The following NUP214 variants were observed in gnomAD, a reference collection of about 807,000 sequenced individuals.
The protein encoded by NUP214 is nuclear pore complex protein Nup214.
In NUP214, 79 loss-of-function variants were observed where a neutral mutation model predicts 196.2. That is an observed-to-expected ratio of 0.40 (90% CI 0.34 to 0.49). NUP214 has a LOEUF of 0.49. NUP214 is among the 20% of genes least tolerant of loss of function. The pLI, the probability that NUP214 is intolerant of heterozygous loss-of-function variation, is 0.58. For synonymous variants in NUP214, 1,020 were observed against 990.5 expected, an observed-to-expected ratio of 1.03 and a Z score of -0.56; for missense variants, 2,468 against 2,539.0, an observed-to-expected ratio of 0.97 and a Z score of 0.60.
chr9:131,226,225 TA>T (rs1169932110), intron 32 of NUP214, among the ~76,000 whole-genome samples: 1 of 152,216 alleles, frequency 6.6e-6, no homozygotes, highest in African/African-American at 2.4e-5. Flanking sequence ...GGGCCCTCAA[TA>T]AATCAGAAAG....
chr9:131,135,167 G>GC, intron 8 of NUP214, 163 bp downstream of exon 8: 1 of 549,900 alleles, frequency 1.8e-6, no homozygotes, highest in Non-Finnish European at 3.2e-6. Context: ...GTAGCTCACA[G>GC]AAGCCTGGAA....
chr9:131,198,953 G>T lies in NUP214; in HGVS notation c.5459G>T (p.Gly1820Val), dbSNP rs760879756. Residue 1820 changes from glycine (G) to valine (V), a missense_variant, in exon 29 of 36, where the codon GGT (glycine) becomes GTT (valine). Gly to Val is a moderately radical substitution (Grantham distance 109, BLOSUM62 -3). Transcript: ENST00000359428. ...TTTGGACAGGGAGGCTCTGTCTTTGGTGGTACCTCAGCTGCCACCACAACA... is the reference window on the plus strand; with the variant it reads ...TTTGGACAGGGAGGCTCTGTCTTTGTTGGTACCTCAGCTGCCACCACAACA... ...PGFGQGGSVF[G>V]GTSAATTTAA... 3 of 1,613,880 alleles carry T rather than the reference G, an allele frequency of 1.9e-6. No homozygotes were observed. The highest frequency in any genetic ancestry group is 1.7e-6 in the Non-Finnish European group (2 of 1,179,784).
Position 131,127,723 on chromosome 9 carries a change from A to G in NUP214, c.241+4A>G. On this transcript the variant is annotated splice_donor_region_variant and intron_variant, in intron 2 of 35. Coordinates refer to ENST00000359428, the MANE Select transcript of NUP214 (RefSeq NM_005085.4). ...GGAGATGATCCCAACAAAATAGGTA[A>G]GTTCCCTGGTTTATGTTGCAAAGTA... The G allele has an allele frequency of 6.2e-7, 1 of 1,609,360 alleles. No individual in the cohort carries two copies. Among genetic ancestry groups the G allele is most frequent in the South Asian group, 1.1e-5 (1 of 90,846 alleles).
At chr9:131,185,095 A>G (rs748965759) in intron 24 of NUP214, among the ~76,000 whole-genome samples, 2 of 152,278 alleles carry the variant, frequency 1.3e-5, no homozygotes, top group Non-Finnish European at 2.9e-5. Context: ...GCTTTTTACA[A>G]CAATGGGATG....
chr9:131,156,476 G>A (rs906435108), intron 17 of NUP214, among the ~76,000 whole-genome samples: 4 of 151,386 alleles, frequency 2.6e-5, no homozygotes, highest in Admixed American at 2.0e-4. Context: ...TTCCATTTGT[G>A]TCGTCTATGA....
chr9:131,222,510 A>T, intron 31 of NUP214: 1 of 308,542 alleles, frequency 3.2e-6, no homozygotes, highest in South Asian at 7.9e-5. Context: ...TTTCAGTGGG[A>T]CCTCTCACTG....
At position 131,192,237 on chromosome 9, in the gene NUP214, T is replaced by G; in HGVS notation, c.3604T>G (p.Ser1202Ala). The change falls in exon 27 of 36, where the codon TCA becomes GCA. Residue 1202 changes from serine (S) to alanine (A), a missense_variant. Ser to Ala is a moderately conservative substitution (Grantham distance 99). Coordinates refer to ENST00000359428, the MANE Select transcript of NUP214 (RefSeq NM_005085.4). ...AGCCAAGATAGAAACAGCTGTGACT[T>G]CAACCCCATCTGCTTCTGGGCAGTT... ...GTAKIETAVT[S>A]TPSASGQFSK... 6.6e-7 allele frequency: 1 copy of G among 1,513,966 alleles called. No homozygotes were observed. Among genetic ancestry groups the G allele is most frequent in the East Asian group, 2.6e-5 (1 of 39,046 alleles). 93.8% of individuals were successfully genotyped at this position (1,513,966 alleles called of 1,614,324 possible). A position where few individuals can be genotyped will look rare whatever the true frequency, so the allele number is the denominator to read the frequency against.
intron 35 of NUP214, chr9:131,233,154 T>A (rs917869143): frequency 3.8e-5 from 6 of 159,784 alleles, no homozygotes; most frequent in African/African-American, 7.2e-5. Context: ...CTACTAAAAA[T>A]ATATATATAT....
intron 31 of NUP214, 68 bp from the exon 32 acceptor site, chr9:131,222,710 C>G: frequency 6.6e-7 from 1 of 1,526,064 alleles, no homozygotes; most frequent in Non-Finnish European, 8.8e-7. Flanking sequence ...GAGACTTTTT[C>G]TGTGTTCTGA....
At chr9:131,179,372 C>A (rs1833203198) in intron 24 of NUP214, among the ~76,000 whole-genome samples, 1 of 152,182 alleles carries the variant, frequency 6.6e-6, no homozygotes, top group Non-Finnish European at 1.5e-5. Context: ...CTGCCCTGGG[C>A]AGGTTCGCAG....
chr9:131,175,381 A>G (rs532743895), intron 22 of NUP214, 79 bp from the exon 23 acceptor site: 3 of 1,518,630 alleles, frequency 2.0e-6, no homozygotes, highest in Non-Finnish European at 1.8e-6. Flanking sequence ...GCAGTCGAAC[A>G]TAAAGAATTT....
At position 131,160,119 on chromosome 9, in the gene NUP214, C is replaced by G. The variant is rs137875645; in HGVS notation, c.2540+633C>G. ...CTGTAACCATTGACTAGCATGTTCTCCAATAAATTATTTAATATATTGAAT... is the reference window on the plus strand; with the variant it reads ...CTGTAACCATTGACTAGCATGTTCTGCAATAAATTATTTAATATATTGAAT... On this transcript the variant is annotated intron_variant, in intron 18 of 35. Transcript: ENST00000359428. Among the ~76,000 whole-genome samples, 687 of 151,610 alleles carry G rather than the reference C, an allele frequency of 4.5e-3. 6 individuals carry two copies. Among genetic ancestry groups the G allele is most frequent in the African/African-American group, 0.016 (659 of 41,362 alleles).
chr9:131,197,753 G>C lies in NUP214; in HGVS notation c.4259G>C (p.Gly1420Ala). The C allele has an allele frequency of 6.2e-7, 1 of 1,614,200 alleles. No individual in the cohort carries two copies. The highest frequency in any genetic ancestry group is 1.6e-4 in the Middle Eastern group (1 of 6,062). ...GGCAGTCTGCCAGTCACCAGTGCAG[G>C]ATCCTCTGGGGTCATCAGTTTTGGT... ...VFGSLPVTSA[G>A]SSGVISFGGT... The change falls in exon 29 of 36, where the codon GGA becomes GCA. Residue 1420 changes from glycine (G) to alanine (A), a missense_variant. Physicochemically the swap from Gly to Ala is moderately conservative, Grantham distance 60 (BLOSUM62 0). This residue lies in a region of NUP214 where 1,801 missense variants were observed against 1,779.4 expected (regional missense o/e 1.01). Coordinates refer to ENST00000359428, the MANE Select transcript of NUP214 (RefSeq NM_005085.4).
At chr9:131,191,061 G>A (rs1248380702) in intron 26 of NUP214, 1 of 151,600 alleles carries the variant, frequency 6.6e-6, no homozygotes, top group Non-Finnish European at 1.5e-5. Flanking sequence ...CATCTACCCT[G>A]TGTTTGTTTA....
chr9:131,166,341 T>G (rs547732430), intron 21 of NUP214, among the ~76,000 whole-genome samples: 1 of 152,200 alleles, frequency 6.6e-6, no homozygotes, highest in Admixed American at 6.5e-5. Context: ...GATTATATAT[T>G]TAGATAGAGT....
At chr9:131,159,822 C>T (rs1832576324) in intron 18 of NUP214, among the ~76,000 whole-genome samples, 1 of 150,932 alleles carries the variant, frequency 6.6e-6, no homozygotes, top group Non-Finnish European at 1.5e-5. Flanking sequence ...GTGCCACTGC[C>T]CTCCAGCCTG....
At chr9:131,136,705 CAGA>C (rs748714909) in intron 9 of NUP214, 8 of 152,234 alleles carry the variant, frequency 5.3e-5, no homozygotes, top group Non-Finnish European at 1.2e-4. Flanking sequence ...GAAAAACTGT[CAGA>C]AGGAGCAAAG....
At chr9:131,135,785 A>G (rs1325859929) in intron 8 of NUP214, among the ~76,000 whole-genome samples, 155 bp from the exon 9 acceptor site, 4 of 152,222 alleles carry the variant, frequency 2.6e-5, no homozygotes, top group Admixed American at 2.0e-4. Context: ...TCAGCTTTAC[A>G]TCTAGAATCT....
chr9:131,135,886 G>A, intron 8 of NUP214, 54 bp from the exon 9 acceptor site: 1 of 1,472,494 alleles, frequency 6.8e-7, no homozygotes, highest in Non-Finnish European at 9.5e-7. Context: ...ACCCAGGTTA[G>A]CTTAGAACTA....
Sources: gnomAD v4.1 joint callset for allele counts (sites outside exome capture counted in the v4.1 genomes callset) on GRCh38, gnomAD v4.1.1 for gene constraint, gnomAD v4.1.1 regional missense constraint, MANE v1.5 for transcripts, NCBI Gene and HGNC (gene_info 2026-07-23, HGNC 2026-07-21) for gene names.